FGFR1: variants seen among roughly 807,000 people sequenced by gnomAD.
The protein encoded by FGFR1 is fibroblast growth factor receptor 1, also known as FGFR1/PLAG1 fusion.
A neutral mutation model predicts 93.7 loss-of-function variants in FGFR1; 18 were observed. That is an observed-to-expected ratio of 0.19 (90% CI 0.13 to 0.28). The LOEUF is 0.28. FGFR1 is among the 10% of genes least tolerant of loss of function. The probability of loss-of-function intolerance (pLI) is 1.00; values close to 1 mark genes in which losing one functional copy is unlikely to be tolerated. For missense variants in FGFR1, 731 were observed against 1,080.4 expected, an observed-to-expected ratio of 0.68 and a Z score of 4.53; for synonymous variants, 448 against 429.3, an observed-to-expected ratio of 1.04 and a Z score of -0.54.
chr8:38,450,390 C>A (rs1199472080), intron 2 of FGFR1, among the ~76,000 whole-genome samples: 1 of 152,138 alleles, frequency 6.6e-6, no homozygotes, highest in East Asian at 1.9e-4. Context: ...TGAGCTGGAG[C>A]CCCCAGTGGC....
intron 3 of FGFR1, chr8:38,428,688 T>G (rs969099127): frequency 2.1e-5 from 11 of 533,562 alleles, no homozygotes; most frequent in Admixed American, 3.2e-5. Context: ...GGTCAGCTGT[T>G]CCTATTTAAC....
At chr8:38,452,016 AAAG>A (rs1831223357) in intron 2 of FGFR1, among the ~76,000 whole-genome samples, 1 of 152,032 alleles carries the variant, frequency 6.6e-6, no homozygotes, top group Non-Finnish European at 1.5e-5. Context: ...ATCCCAAACC[AAAG>A]GAGGGGAAGG....
At chr8:38,457,901 T>A (rs548617461) in intron 1 of FGFR1, among the ~76,000 whole-genome samples, 1 of 152,256 alleles carries the variant, frequency 6.6e-6, no homozygotes, top group South Asian at 2.1e-4. Flanking sequence ...GAGAATCGCT[T>A]GAATCCAGGA....
In FGFR1 at chr8:38,419,564, G is replaced by A. The variant is rs1271245426; in HGVS notation, c.1253C>T (p.Ala418Val). The change falls in exon 9 of 18, where the codon GCC becomes GTC. Residue 418 changes from alanine (A) to valine (V), a missense_variant. Coordinates refer to ENST00000447712, the MANE Select transcript of FGFR1 (RefSeq NM_023110.3). ...CTGTCTGCGCAGAGGGATGCTCTTG[G>A]CCAGCTTGTGCACAGCCATCTGGCT... ...FHSQMAVHKL[A>V]KSIPLRRQVT... 1.9e-6 allele frequency: 3 copies of A among 1,614,096 alleles called. No individual in the cohort carries two copies. Among genetic ancestry groups the A allele is most frequent in the Admixed American group, 3.3e-5 (2 of 60,012 alleles).
chr8:38,461,831 G>T (rs4733946), intron 1 of FGFR1, among the ~76,000 whole-genome samples: 14,613 of 152,230 alleles, frequency 0.096, 893 homozygotes, highest in Admixed American at 0.2. Flanking sequence ...TATGCATTTG[G>T]ATTTCAGATA....
At chr8:38,433,632 C>T (rs2151018394) in intron 2 of FGFR1, among the ~76,000 whole-genome samples, 1 of 152,266 alleles carries the variant, frequency 6.6e-6, no homozygotes, top group Non-Finnish European at 1.5e-5. Flanking sequence ...CAGACCCTGT[C>T]TTAAAACAAA....
At chr8:38,453,568 C>T (rs762326866) in intron 2 of FGFR1, among the ~76,000 whole-genome samples, 2 of 152,182 alleles carry the variant, frequency 1.3e-5, no homozygotes, top group Non-Finnish European at 2.9e-5. Context: ...TGAAGGTTCA[C>T]AGCAGTCTTA....
At chr8:38,438,537 C>T (rs1256295038) in intron 2 of FGFR1, among the ~76,000 whole-genome samples, 6 of 145,082 alleles carry the variant, frequency 4.1e-5, no homozygotes, top group Non-Finnish European at 6.0e-5. Context: ...ACCCAGACTC[C>T]GTCTCAAAAA....
chr8:38,417,275 G>C lies in FGFR1; in HGVS notation c.1663+31C>G, dbSNP rs371405870. On this transcript the variant is annotated intron_variant, in intron 12 of 17. Coordinates refer to ENST00000447712, the MANE Select transcript of FGFR1 (RefSeq NM_023110.3). The stretch of plus-strand genomic sequence containing the variant: ...CCCAGCTCAGATCTTCTCCCCGCTG[G>C]GCAGGGAAAGCCAGTCTGGCCGGCA... 21 of 1,543,872 alleles carry C rather than the reference G, an allele frequency of 1.4e-5. No individual in the cohort carries two copies. The African/African-American group carries it at 2.2e-4, about 16-fold the overall frequency.
chr8:38,417,409 T>C lies in FGFR1; in HGVS notation c.1560A>G (p.Ala520=), dbSNP rs1356060932. The C allele has an allele frequency of 6.2e-7, 1 of 1,613,858 alleles. No individual in the cohort carries two copies. The highest frequency in any genetic ancestry group is 2.2e-5 in the East Asian group (1 of 44,884). ...TCAGGTCTGACAAGTCTTTCTCTGT[T>C]GCGTCCGCTTTAAAGAACACGTTGA... ...KVAVKMLKSD[A]TEKDLSDLIS... Residue 520 remains alanine (A), a synonymous_variant, in exon 12 of 18, where the codon GCA becomes GCG. Coordinates refer to ENST00000447712, the MANE Select transcript of FGFR1 (RefSeq NM_023110.3).
intron 7 of FGFR1, chr8:38,423,200 G>A: frequency 1.3e-6 from 1 of 776,804 alleles, no homozygotes; most frequent in Non-Finnish European, 2.4e-6. Context: ...CGACACACCA[G>A]TCAGTTGGGC....
At position 38,426,088 on chromosome 8, in the gene FGFR1, A is replaced by G; in HGVS notation, c.745+34T>C. 1 of 1,613,766 alleles carries G rather than the reference A, an allele frequency of 6.2e-7. No individual in the cohort carries two copies. The highest frequency in any genetic ancestry group is 8.5e-7 in the Non-Finnish European group (1 of 1,179,932). ...TTCTCCAAGCCTGGCTCTTCCCACTAAACTCATTCCTCCTGCTGCCTCTGC... is the reference window on the plus strand; with the variant it reads ...TTCTCCAAGCCTGGCTCTTCCCACTGAACTCATTCCTCCTGCTGCCTCTGC... On this transcript the variant is annotated intron_variant, in intron 6 of 17. Transcript: ENST00000447712. The surrounding 1 kb of genome is among the most constrained non-coding windows in gnomAD (Gnocchi z 4.1).
chr8:38,440,161 G>A, intron 2 of FGFR1: 1 of 677,540 alleles, frequency 1.5e-6, no homozygotes, highest in Non-Finnish European at 2.7e-6. Flanking sequence ...ATAAATGAGG[G>A]GGCAATTGTG....
intron 1 of FGFR1, chr8:38,465,919 G>C (rs1835392578): frequency 4.4e-6 from 1 of 226,688 alleles, no homozygotes; most frequent in Non-Finnish European, 8.8e-6. Context: ...TAGAGAAAGT[G>C]CGATTTCATT....
At chr8:38,466,750 G>A (rs1835608410) in intron 1 of FGFR1, 1 of 212,304 alleles carries the variant, frequency 4.7e-6, no homozygotes, top group Non-Finnish European at 9.5e-6. Flanking sequence ...CGGTGTACCC[G>A]TGTGGGGTGA....
Position 38,424,127 on chromosome 8 carries a change from G to A in FGFR1, c.936+382C>T, listed in dbSNP as rs535182121. 5.2e-5 allele frequency: 19 copies of A among 366,218 alleles called. No individual in the cohort carries two copies. Among genetic ancestry groups the A allele is most frequent in the Admixed American group, 7.7e-5 (2 of 26,104 alleles). The allele number at this position is 366,218 out of a possible 1,614,324, so 22.7% of individuals were successfully genotyped here. A position where few individuals can be genotyped will look rare whatever the true frequency, so the allele number is the denominator to read the frequency against. On this transcript the variant is annotated intron_variant, in intron 7 of 17. Coordinates refer to ENST00000447712, the MANE Select transcript of FGFR1 (RefSeq NM_023110.3). The surrounding 1 kb of genome is among the most constrained non-coding windows in gnomAD (Gnocchi z 4.3). ...ATGCACCCCATTTGCCAGAAAGATCGTACGTAACTCAGGACACAGGGCTAA... is the reference window on the plus strand; with the variant it reads ...ATGCACCCCATTTGCCAGAAAGATCATACGTAACTCAGGACACAGGGCTAA...
chr8:38,441,977 T>C (rs1433462439), intron 2 of FGFR1, among the ~76,000 whole-genome samples: 1 of 152,168 alleles, frequency 6.6e-6, no homozygotes, highest in Non-Finnish European at 1.5e-5. Flanking sequence ...CACCTAGACC[T>C]CCACCCAGAA....
chr8:38,457,263 T>C (rs2151335998), intron 2 of FGFR1, 93 bp downstream of exon 2: 6 of 1,408,526 alleles, frequency 4.3e-6, no homozygotes, highest in Admixed American at 3.7e-5. Context: ...GCCTTCCCTG[T>C]TGACCACATC....
At chr8:38,442,673 G>A (rs1229459754) in intron 2 of FGFR1, among the ~76,000 whole-genome samples, 1 of 152,034 alleles carries the variant, frequency 6.6e-6, no homozygotes, top group Admixed American at 6.6e-5. Flanking sequence ...TCCCAGCTGG[G>A]GCCTCTCGAA....
Sources: allele counts gnomAD v4.1 joint callset (sites outside exome capture counted in the v4.1 genomes callset), GRCh38; gene constraint gnomAD v4.1.1; non-coding constraint Gnocchi (gnomAD v3.1); transcripts MANE v1.5; gene names NCBI Gene and HGNC (gene_info 2026-07-23, HGNC 2026-07-21).